Variants in IL1RAPL1 observed in about 807,000 individuals in gnomAD.
IL1RAPL1 encodes the protein interleukin 1 receptor accessory protein like 1, also known as interleukin-1 receptor accessory protein-like 1.
IL1RAPL1 carries 3 observed loss-of-function variants against 48.4 expected under a neutral mutation model. The ratio of observed to expected loss-of-function variants is 0.06; its 90% CI spans 0.03 to 0.16. The LOEUF is 0.16. IL1RAPL1 is among the 10% of genes least tolerant of loss of function. The pLI is 1.00. For missense variants in IL1RAPL1, 349 were observed against 530.6 expected, an observed-to-expected ratio of 0.66 and a Z score of 3.36; for synonymous variants, 185 against 187.7, an observed-to-expected ratio of 0.99 and a Z score of 0.12.
At chrX:28,965,046 C>G (rs930457595) in intron 2 of IL1RAPL1, among the ~76,000 whole-genome samples, 1 of 111,357 alleles carries the variant, frequency 9.0e-6, no homozygotes, top group Non-Finnish European at 1.9e-5. Context: ...CACATAGACA[C>G]AAAGCTCAAT....
chrX:28,817,700 C>A (rs1389861224), intron 2 of IL1RAPL1, among the ~76,000 whole-genome samples: 2 of 111,333 alleles, frequency 1.8e-5, no homozygotes, highest in African/African-American at 6.5e-5. Context: ...AGTATTGTGA[C>A]TTTTGTCCCA....
intron 5 of IL1RAPL1, among the ~76,000 whole-genome samples, chrX:29,565,334 A>C (rs942691971): frequency 7.2e-5 from 8 of 111,039 alleles, no homozygotes; most frequent in Non-Finnish European, 1.1e-4. Context: ...AAAAAAAAAA[A>C]ACACAAACAT....
Position 29,494,140 on chromosome X carries a change from A to G in IL1RAPL1, c.703+94832A>G, listed in dbSNP as rs755988972. 5.4e-5 allele frequency among the ~76,000 whole-genome samples: 6 copies of G among 110,207 alleles called. No individual in the cohort carries two copies. In the East Asian group the frequency reaches 1.7e-3, roughly 31 times the overall value. Reference sequence around the variant, plus strand: ...CTCGTCTCAAACCCCTGACCTCATGATCTTCCCGCTTTGGCCTCCCAAAGT... The same window carrying G: ...CTCGTCTCAAACCCCTGACCTCATGGTCTTCCCGCTTTGGCCTCCCAAAGT... On this transcript the variant is annotated intron_variant, in intron 5 of 10. Transcript: ENST00000378993.
intron 1 of IL1RAPL1, among the ~76,000 whole-genome samples, chrX:28,748,578 G>C (rs1366154336): frequency 9.0e-6 from 1 of 111,690 alleles, no homozygotes; most frequent in Non-Finnish European, 1.9e-5. Context: ...ACTGATTCAT[G>C]AATTACCAAC....
Position 29,283,127 on chromosome X carries a change from T to C in IL1RAPL1, c.272T>C (p.Phe91Ser). ...GGAGACTTTGAAGAGCCAATAGCCTTTGACGGAAGTAGAATGAGCAAAGAA... is the reference window on the plus strand; with the variant it reads ...GGAGACTTTGAAGAGCCAATAGCCTCTGACGGAAGTAGAATGAGCAAAGAA... ...GPGDFEEPIAFDGSRMSKEED... is the reference protein window; with the variant it reads ...GPGDFEEPIASDGSRMSKEED... The change falls in exon 3 of 11, where the codon TTT (phenylalanine) becomes TCT (serine). Residue 91 changes from phenylalanine (F) to serine (S), a missense_variant. Coordinates refer to ENST00000378993, the MANE Select transcript of IL1RAPL1 (RefSeq NM_014271.4). 1 of 1,211,519 alleles carries C rather than the reference T, an allele frequency of 8.3e-7. No homozygotes were observed.
chrX:29,326,669 C>T (rs949160750), intron 3 of IL1RAPL1, among the ~76,000 whole-genome samples: 1 of 111,738 alleles, frequency 8.9e-6, no homozygotes, highest in African/African-American at 3.3e-5. Flanking sequence ...ATAATATAGC[C>T]ACCATTTATT....
chrX:28,708,360 T>C lies in IL1RAPL1; in HGVS notation c.-24-80960T>C, dbSNP rs188149562. ...CTTTAACATGTCCTTGGAACTCTTA[T>C]ATACTGTTGGTATGAATGTATAGTA... is the stretch of plus-strand genomic sequence containing the variant. On this transcript the variant is annotated intron_variant, in intron 1 of 10. Coordinates refer to ENST00000378993, the MANE Select transcript of IL1RAPL1 (RefSeq NM_014271.4). Among the ~76,000 whole-genome samples, 482 of 111,441 alleles carry C rather than the reference T, an allele frequency of 4.3e-3. 3 individuals are homozygous for C. The highest frequency in any genetic ancestry group is 7.3e-3 in the Non-Finnish European group (389 of 53,016).
intron 2 of IL1RAPL1, among the ~76,000 whole-genome samples, chrX:28,971,582 G>C (rs1184679785): frequency 1.8e-5 from 2 of 111,975 alleles, no homozygotes; most frequent in Non-Finnish European, 3.8e-5. Flanking sequence ...CATGGGTAGA[G>C]TACCAAATTA....
At chrX:29,353,876 A>G (rs1286060722) in intron 3 of IL1RAPL1, among the ~76,000 whole-genome samples, 1 of 101,266 alleles carries the variant, frequency 9.9e-6, no homozygotes, top group Non-Finnish European at 2.0e-5. Context: ...TTCATTACTC[A>G]TTGAGGTCCT....
chrX:28,779,883 T>C (rs749202373), intron 1 of IL1RAPL1, among the ~76,000 whole-genome samples: 2 of 108,224 alleles, frequency 1.8e-5, no homozygotes, highest in Non-Finnish European at 3.8e-5. Flanking sequence ...AAAGTTTTAT[T>C]TACATCACTA....
rs1366914712 is a variant in IL1RAPL1 at position 28,989,539 on chromosome X, A to C, written c.82+200114A>C. On this transcript the variant is annotated intron_variant, in intron 2 of 10. Coordinates refer to ENST00000378993, the MANE Select transcript of IL1RAPL1 (RefSeq NM_014271.4). ...CATGTTAAGATAATAGCTTTTAGAAAAGACGTACACCTCTATTGATACACT... is the reference window on the plus strand; with the variant it reads ...CATGTTAAGATAATAGCTTTTAGAACAGACGTACACCTCTATTGATACACT... Among the ~76,000 whole-genome samples the C allele has an allele frequency of 2.7e-5, 3 of 112,495 alleles. No homozygotes were observed. In the East Asian group the frequency reaches 8.3e-4, roughly 31 times the overall value.
intron 6 of IL1RAPL1, among the ~76,000 whole-genome samples, chrX:29,831,319 T>A (rs1051102289): frequency 2.7e-5 from 3 of 111,196 alleles, no homozygotes; most frequent in African/African-American, 9.8e-5. Flanking sequence ...TGGAACTCAG[T>A]TTCAACAAAT....
At chrX:28,856,834 C>T (rs1410098369) in intron 2 of IL1RAPL1, among the ~76,000 whole-genome samples, 1 of 111,595 alleles carries the variant, frequency 9.0e-6, no homozygotes, top group African/African-American at 3.3e-5. Flanking sequence ...ACAATGTCTT[C>T]CATGTGTTCA....
intron 2 of IL1RAPL1, among the ~76,000 whole-genome samples, chrX:28,988,879 G>A (rs1213416806): frequency 9.0e-6 from 1 of 111,292 alleles, no homozygotes; most frequent in East Asian, 2.8e-4. Flanking sequence ...AGCATTCATT[G>A]TAAGACTGAA....
intron 6 of IL1RAPL1, among the ~76,000 whole-genome samples, chrX:29,781,933 T>C (rs1929346153): frequency 9.0e-6 from 1 of 111,530 alleles, no homozygotes; most frequent in African/African-American, 3.3e-5. Flanking sequence ...ACCTCTATCT[T>C]CCTTGAATAC....
At chrX:29,271,034 C>A (rs756345636) in intron 2 of IL1RAPL1, among the ~76,000 whole-genome samples, 1 of 111,418 alleles carries the variant, frequency 9.0e-6, no homozygotes, top group Non-Finnish European at 1.9e-5. Context: ...CTCAAGTAGA[C>A]CTTGTTATCT....
At chrX:29,817,412 T>C (rs1418045897) in intron 6 of IL1RAPL1, among the ~76,000 whole-genome samples, 1 of 111,543 alleles carries the variant, frequency 9.0e-6, no homozygotes, top group Non-Finnish European at 1.9e-5. Flanking sequence ...TCCCAATTGA[T>C]CTGCATTGCA....
chrX:29,452,610 G>C (rs1373198645), intron 5 of IL1RAPL1, among the ~76,000 whole-genome samples: 1 of 111,390 alleles, frequency 9.0e-6, no homozygotes, highest in East Asian at 2.8e-4. Flanking sequence ...TAGAGACCAG[G>C]CTTATCAGCT....
chrX:28,997,186 A>T (rs753204292), intron 2 of IL1RAPL1, among the ~76,000 whole-genome samples: 28 of 111,443 alleles, frequency 2.5e-4, no homozygotes, highest in Non-Finnish European at 4.7e-4. Flanking sequence ...TCTCTAAAAA[A>T]CATACATGAA....
Sources: allele counts gnomAD v4.1 joint callset (sites outside exome capture counted in the v4.1 genomes callset), GRCh38; gene constraint gnomAD v4.1.1; transcripts MANE v1.5; gene names NCBI Gene and HGNC (gene_info 2026-07-23, HGNC 2026-07-21).